CAMK1D: variants seen among roughly 807,000 people sequenced by gnomAD.
CAMK1D encodes calcium/calmodulin-dependent protein kinase type 1D.
Under a neutral mutation model 47.7 loss-of-function variants are expected in CAMK1D, and 9 were observed. The observed-to-expected ratio is 0.19, with a 90% CI of 0.11 to 0.33. CAMK1D has a LOEUF of 0.33. Among genes scored for constraint, CAMK1D ranks in the 10% least tolerant of loss-of-function variants. The pLI is 1.00. For synonymous variants in CAMK1D, 184 were observed against 184.9 expected (o/e 0.99, Z 0.04); for missense variants, 291 against 488.7 (o/e 0.60, Z 3.81).
intron 1 of CAMK1D, among the ~76,000 whole-genome samples, chr10:12,418,858 C>T (rs1490913502): frequency 6.6e-6 from 1 of 152,254 alleles, no homozygotes. Context: ...GGGGAGTGAC[C>T]GTCCACCCCT....
At chr10:12,352,372 G>A (rs1837378895) in intron 1 of CAMK1D, among the ~76,000 whole-genome samples, 1 of 152,166 alleles carries the variant, frequency 6.6e-6, no homozygotes, top group African/African-American at 2.4e-5. Context: ...CACTTTGGGA[G>A]GCTGAGGCGA....
intron 1 of CAMK1D, among the ~76,000 whole-genome samples, chr10:12,552,515 C>G (rs1836618543): frequency 6.6e-6 from 1 of 152,144 alleles, no homozygotes; most frequent in African/African-American, 2.4e-5. Context: ...TTTAGTGTGA[C>G]TTTCTAGTCT....
intron 1 of CAMK1D, among the ~76,000 whole-genome samples, chr10:12,371,866 C>T (rs1838016346): frequency 6.6e-6 from 1 of 151,934 alleles, no homozygotes; most frequent in African/African-American, 2.4e-5. Flanking sequence ...GGGGTTTCAC[C>T]ATGTTAGCCA....
rs372694489 is a variant in CAMK1D at position 12,585,826 on chromosome 10, C to T, written c.224+32470C>T. ...AACCACGTCAATCACTAAAGCCAGT[C>T]TTCAGTGACCTGCCATCTCGATCCT... is the stretch of plus-strand genomic sequence containing the variant. On this transcript the variant is annotated intron_variant, in intron 2 of 10. Transcript: ENST00000619168. Among the ~76,000 whole-genome samples the T allele has an allele frequency of 2.6e-5, 4 of 152,344 alleles. No homozygotes were observed. In the East Asian group the frequency reaches 5.8e-4, roughly 22 times the overall value.
chr10:12,547,376 G>A (rs1836414954), intron 1 of CAMK1D, among the ~76,000 whole-genome samples: 2 of 152,238 alleles, frequency 1.3e-5, no homozygotes, highest in Admixed American at 6.5e-5. Flanking sequence ...GCCAGTGCAA[G>A]CTGTGCCCAG....
At chr10:12,746,113 A>G (rs1411517461) in intron 3 of CAMK1D, among the ~76,000 whole-genome samples, 2 of 152,136 alleles carry the variant, frequency 1.3e-5, no homozygotes, top group Non-Finnish European at 2.9e-5. Flanking sequence ...CTGTAGAGCT[A>G]TTAAAAAGTT....
At position 12,621,171 on chromosome 10, in the gene CAMK1D, A is replaced by G. The variant is rs578053868; in HGVS notation, c.225-45565A>G. Among the ~76,000 whole-genome samples the G allele has an allele frequency of 1.3e-3, 205 of 152,304 alleles. 1 individual carries two copies. Among genetic ancestry groups the G allele is most frequent in the Non-Finnish European group, 4.9e-4 (33 of 68,028 alleles). ...TCTGTGTGTCTATCCCCCTAACAGT[A>G]CCACACTGTCTGATTACTGTAGCTA... On this transcript the variant is annotated intron_variant, in intron 2 of 10. Coordinates refer to ENST00000619168, the MANE Select transcript of CAMK1D (RefSeq NM_153498.4).
intron 1 of CAMK1D, among the ~76,000 whole-genome samples, chr10:12,453,220 C>T (rs1474000086): frequency 4.1e-5 from 6 of 144,696 alleles, no homozygotes; most frequent in African/African-American, 1.5e-4. Context: ...GATGGAGTTT[C>T]ACTCTGTCGC....
At chr10:12,688,415 C>A (rs1227841547) in intron 3 of CAMK1D, among the ~76,000 whole-genome samples, 4 of 152,178 alleles carry the variant, frequency 2.6e-5, no homozygotes, top group African/African-American at 9.7e-5. Flanking sequence ...TTACTAACTT[C>A]TCTTTAGCCT....
At chr10:12,358,676 A>G (rs1391011923) in intron 1 of CAMK1D, among the ~76,000 whole-genome samples, 3 of 152,236 alleles carry the variant, frequency 2.0e-5, no homozygotes, top group Non-Finnish European at 4.4e-5. Context: ...TGGTGCAGGC[A>G]TTCATAGCTG....
intron 7 of CAMK1D, among the ~76,000 whole-genome samples, chr10:12,815,372 G>A (rs930673962): frequency 3.9e-5 from 6 of 152,230 alleles, no homozygotes; most frequent in Non-Finnish European, 8.8e-5. Flanking sequence ...TCTAGTCTCC[G>A]TGAGCTATTC....
At chr10:12,624,072 C>CT (rs1363368520) in intron 2 of CAMK1D, among the ~76,000 whole-genome samples, 1 of 152,082 alleles carries the variant, frequency 6.6e-6, no homozygotes, top group African/African-American at 2.4e-5. Context: ...GATTGAGACT[C>CT]TGTCTCAAAA....
intron 1 of CAMK1D, among the ~76,000 whole-genome samples, chr10:12,401,010 T>G (rs1839158692): frequency 7.9e-6 from 1 of 127,350 alleles, no homozygotes; most frequent in Admixed American, 1.1e-4. Flanking sequence ...CCTTTCTCCT[T>G]TATAGATTGT....
chr10:12,736,310 A>G (rs1835183692), intron 3 of CAMK1D, among the ~76,000 whole-genome samples: 1 of 152,146 alleles, frequency 6.6e-6, no homozygotes. Context: ...GTCCCCAAGG[A>G]GTGGTATAAG....
intron 3 of CAMK1D, among the ~76,000 whole-genome samples, chr10:12,722,117 A>G (rs1013302901): frequency 2.6e-5 from 4 of 152,004 alleles, no homozygotes; most frequent in African/African-American, 7.2e-5. Context: ...ATTTCAGTAT[A>G]TGCATTTTGG....
intron 1 of CAMK1D, among the ~76,000 whole-genome samples, chr10:12,483,954 T>C (rs1834137846): frequency 6.6e-6 from 1 of 152,158 alleles, no homozygotes; most frequent in South Asian, 2.1e-4. Flanking sequence ...CCCAAAGTGC[T>C]CCCAAAGGCA....
chr10:12,393,887 A>C (rs910291378), intron 1 of CAMK1D, among the ~76,000 whole-genome samples: 3 of 152,166 alleles, frequency 2.0e-5, no homozygotes, highest in Non-Finnish European at 2.9e-5. Context: ...TTTCCTTCTC[A>C]TTAAGCAGTT....
intron 1 of CAMK1D, among the ~76,000 whole-genome samples, chr10:12,544,712 G>C (rs1228278709): frequency 6.6e-6 from 1 of 151,156 alleles, no homozygotes; most frequent in African/African-American, 2.5e-5. Context: ...TACTAGTGTT[G>C]AGTGGATAGT....
At position 12,786,584 on chromosome 10, in the gene CAMK1D, C is replaced by T. The variant is rs145531213; in HGVS notation, c.566-4574C>T. ...GTTTGTTTATTTATTTTAGAGACAG[C>T]GTCTCACTCTGTTGCCCAGGCTGGA... On this transcript the variant is annotated intron_variant, in intron 5 of 10. Coordinates refer to ENST00000619168, the MANE Select transcript of CAMK1D (RefSeq NM_153498.4). 4.4e-3 allele frequency among the ~76,000 whole-genome samples: 667 copies of T among 152,228 alleles called. 5 individuals carry two copies. The highest frequency in any genetic ancestry group is 0.014 in the African/African-American group (600 of 41,520).
Sources: allele counts gnomAD v4.1 joint callset (sites outside exome capture counted in the v4.1 genomes callset), GRCh38; gene constraint gnomAD v4.1.1; transcripts MANE v1.5; gene names NCBI Gene and HGNC (gene_info 2026-07-23, HGNC 2026-07-21).